AGBL1: variants seen among roughly 807,000 people sequenced by gnomAD.
AGBL1 encodes cytosolic carboxypeptidase 4.
Under a neutral mutation model 118.9 loss-of-function variants are expected in AGBL1, and 130 were observed. The observed-to-expected ratio is 1.09, with a 90% confidence interval of 0.95 to 1.26. AGBL1 has a LOEUF of 1.26. Ranked by LOEUF, AGBL1 falls within the 50% of genes most tolerant of loss-of-function variation. The pLI is 0.00. For missense variants in AGBL1, 1,584 were observed against 1,298.1 expected (o/e 1.22, Z -3.38); for synonymous variants, 555 against 478.9 (o/e 1.16, Z -2.08).
intron 9 of AGBL1, among the ~76,000 whole-genome samples, chr15:86,261,696 T>C (rs2078987983): frequency 1.3e-5 from 2 of 152,078 alleles, no homozygotes; most frequent in Non-Finnish European, 2.9e-5. Context: ...ATTCCTGGTG[T>C]CTTTTCTCTG....
chr15:86,905,589 T>C (rs1489310403), intron 22 of AGBL1, among the ~76,000 whole-genome samples: 1 of 152,236 alleles, frequency 6.6e-6, no homozygotes, highest in African/African-American at 2.4e-5. Context: ...TTTCACAGAA[T>C]ACTCTGCTAG....
chr15:86,229,084 T>G (rs1361420433), intron 6 of AGBL1, among the ~76,000 whole-genome samples: 1 of 152,226 alleles, frequency 6.6e-6, no homozygotes, highest in East Asian at 1.9e-4. Flanking sequence ...CATTTAGCTT[T>G]TTATTCCTGA....
chr15:86,808,739 C>T (rs552636798), intron 22 of AGBL1, among the ~76,000 whole-genome samples: 4 of 150,180 alleles, frequency 2.7e-5, no homozygotes, highest in Admixed American at 6.7e-5. Context: ...TCCCTCCCTT[C>T]TTTCCTTCCT....
Position 86,897,764 on chromosome 15 carries a change from C to CTTTTTT in AGBL1, c.3159-9305_3159-9300dup, listed in dbSNP as rs71460231. ...ATAATTTACTCCTTTCATCTTTTATCTTTTTTTTTTTTTTTTTTTTTTTGA... is the reference window on the plus strand; with the variant it reads ...ATAATTTACTCCTTTCATCTTTTATCTTTTTTTTTTTTTTTTTTTTTTTTTTTTTGA... On this transcript the variant is annotated intron_variant, in intron 22 of 22. Transcript: ENST00000614907. Among the ~76,000 whole-genome samples the CTTTTTT allele has an allele frequency of 9.4e-4, 76 of 80,636 alleles. 1 individual carries two copies. The highest frequency in any genetic ancestry group is 1.6e-3 in the East Asian group (4 of 2,470). 52.9% of individuals were successfully genotyped at this position (80,636 alleles called of 152,430 possible).
At chr15:86,447,392 A>G (rs1466132841) in intron 18 of AGBL1, among the ~76,000 whole-genome samples, 2 of 152,214 alleles carry the variant, frequency 1.3e-5, no homozygotes, top group African/African-American at 4.8e-5. Flanking sequence ...GCTGTTGGGC[A>G]CTGCCATGTG....
intron 22 of AGBL1, among the ~76,000 whole-genome samples, chr15:86,794,075 A>C (rs1290996053): frequency 1.3e-5 from 2 of 152,240 alleles, no homozygotes; most frequent in East Asian, 3.8e-4. Flanking sequence ...AAATTACCAC[A>C]TGACACAGCA....
chr15:86,670,529 A>C (rs1056376941), intron 21 of AGBL1, among the ~76,000 whole-genome samples: 2 of 150,894 alleles, frequency 1.3e-5, no homozygotes, highest in African/African-American at 4.9e-5. Context: ...GCTTGAACCC[A>C]GGAGGCAGAG....
At chr15:86,356,325 C>T (rs576248951) in intron 17 of AGBL1, among the ~76,000 whole-genome samples, 21 of 144,522 alleles carry the variant, frequency 1.5e-4, no homozygotes, top group African/African-American at 5.1e-4. Context: ...TTTATATCTA[C>T]GAAGATAGAC....
At chr15:86,891,651 C>T (rs1353572216) in intron 22 of AGBL1, among the ~76,000 whole-genome samples, 4 of 151,690 alleles carry the variant, frequency 2.6e-5, no homozygotes, top group African/African-American at 9.7e-5. Flanking sequence ...AGCAACAGCA[C>T]CATCATTCAT....
At chr15:86,899,434 C>T (rs1035993877) in intron 22 of AGBL1, among the ~76,000 whole-genome samples, 2 of 152,088 alleles carry the variant, frequency 1.3e-5, no homozygotes, top group Non-Finnish European at 2.9e-5. Context: ...CTATTGGGTA[C>T]TGGCTTAATA....
intron 21 of AGBL1, among the ~76,000 whole-genome samples, chr15:86,631,980 A>C (rs200533742): frequency 1.3e-5 from 2 of 151,712 alleles, no homozygotes; most frequent in East Asian, 3.9e-4. Context: ...TCTTGAAACC[A>C]AGAGTTTGAG....
intron 22 of AGBL1, among the ~76,000 whole-genome samples, chr15:86,724,870 C>G (rs2086795602): frequency 6.6e-6 from 1 of 152,154 alleles, no homozygotes; most frequent in African/African-American, 2.4e-5. Context: ...TCACCTTCTG[C>G]CATGATTTTT....
chr15:86,417,752 A>G (rs879397741), intron 18 of AGBL1, among the ~76,000 whole-genome samples: 2 of 152,204 alleles, frequency 1.3e-5, no homozygotes, highest in East Asian at 1.9e-4. Context: ...GCTGGTCTAC[A>G]TGAGAGACTG....
chr15:86,922,203 A>T (rs2080488195), intron 23 of AGBL1, among the ~76,000 whole-genome samples: 1 of 152,240 alleles, frequency 6.6e-6, no homozygotes, highest in African/African-American at 2.4e-5. Context: ...CCTTAATATT[A>T]TTAGTAATAG....
intron 13 of AGBL1, among the ~76,000 whole-genome samples, chr15:86,268,337 T>G (rs550807567): frequency 6.6e-6 from 1 of 152,242 alleles, no homozygotes; most frequent in South Asian, 2.1e-4. Context: ...CCTCTTTGTG[T>G]TGTTGGCTTA....
chr15:86,410,809 T>G (rs2881370), intron 18 of AGBL1, among the ~76,000 whole-genome samples: 1,679 of 22,768 alleles, frequency 0.074, 105 homozygotes, highest in Non-Finnish European at 0.092. Flanking sequence ...CAAATGTAGA[T>G]ATATATATAT....
chr15:86,738,914 G>T (rs2141230693), intron 22 of AGBL1, among the ~76,000 whole-genome samples: 1 of 151,936 alleles, frequency 6.6e-6, no homozygotes, highest in African/African-American at 2.4e-5. Context: ...CAAGGCAGGA[G>T]GATCGTTGAG....
At chr15:86,236,719 G>C (rs1173460832) in intron 6 of AGBL1, among the ~76,000 whole-genome samples, 1 of 151,832 alleles carries the variant, frequency 6.6e-6, no homozygotes, top group African/African-American at 2.4e-5. Flanking sequence ...ACAGAGGGAG[G>C]GGGGCTCCAA....
At chr15:86,643,385 G>A (rs191672331) in intron 21 of AGBL1, among the ~76,000 whole-genome samples, 2 of 152,046 alleles carry the variant, frequency 1.3e-5, no homozygotes, top group Admixed American at 6.6e-5. Flanking sequence ...CATTCTACTT[G>A]CAATTCTCCT....
Sources: allele counts gnomAD v4.1 joint callset (sites outside exome capture counted in the v4.1 genomes callset), GRCh38; gene constraint gnomAD v4.1.1; transcripts MANE v1.5; gene names NCBI Gene and HGNC (gene_info 2026-07-23, HGNC 2026-07-21).